The following CFAP47 variants were observed in gnomAD, a reference collection of about 807,000 sequenced individuals.
CFAP47 encodes cilia and flagella associated protein 47, also known as cilia- and flagella-associated protein 47.
In CFAP47, 29 loss-of-function variants were observed where a neutral mutation model predicts 148.1. The observed-to-expected ratio is 0.20, with a 90% CI of 0.15 to 0.27. The LOEUF is 0.27. Ranked by LOEUF, CFAP47 falls within the 10% of genes least tolerant of loss-of-function variation. The pLI is 1.00. For missense variants in CFAP47, 1,872 were observed against 1,697.5 expected (o/e 1.10, Z -1.81); for synonymous variants, 664 against 577.3 (o/e 1.15, Z -2.15).
In CFAP47 at chrX:35,920,075, G is replaced by C. The variant is rs756486257; in HGVS notation, c.249+27G>C. 34 of 1,144,858 alleles carry C rather than the reference G, an allele frequency of 3.0e-5. No homozygotes were observed. In the Admixed American group the frequency reaches 4.0e-4, roughly 13 times the overall value. 94.3% of individuals were successfully genotyped at this position (1,144,858 alleles called of 1,213,427 possible). A position where few individuals can be genotyped will look rare whatever the true frequency, so the allele number is the denominator to read the frequency against. Reference sequence around the variant, plus strand: ...TGACACACTAAGGGGTGCTGGGAGCGGGACCTTGTGAGAGCGCCTCCTCAC... The same window carrying C: ...TGACACACTAAGGGGTGCTGGGAGCCGGACCTTGTGAGAGCGCCTCCTCAC... On this transcript the variant is annotated intron_variant, in intron 1 of 63. Coordinates refer to ENST00000378653, the MANE Select transcript of CFAP47 (RefSeq NM_001304548.2).
chrX:35,967,877 G>A (rs746388887), intron 10 of CFAP47, 45 bp downstream of exon 10: 6 of 817,882 alleles, frequency 7.3e-6, no homozygotes, highest in South Asian at 5.0e-5. Flanking sequence ...AAGCTTAATG[G>A]ACAACACGAC....
chrX:36,083,101 C>G (rs938524348), intron 29 of CFAP47, among the ~76,000 whole-genome samples: 1 of 110,844 alleles, frequency 9.0e-6, no homozygotes. Context: ...TAAAACTCAT[C>G]ATTTTCAAGA....
At chrX:36,004,621 C>CA (rs1936959678) in intron 21 of CFAP47, among the ~76,000 whole-genome samples, 1 of 109,114 alleles carries the variant, frequency 9.2e-6, no homozygotes, top group African/African-American at 3.3e-5. Flanking sequence ...GAATAAACCA[C>CA]AAAAATGTTA....
At chrX:35,982,170 A>C (rs1936654481) in intron 15 of CFAP47, among the ~76,000 whole-genome samples, 1 of 111,873 alleles carries the variant, frequency 8.9e-6, no homozygotes. Flanking sequence ...TAACCTCAAC[A>C]GCATTGGTTA....
chrX:36,264,956 T>G (rs1478135764), intron 49 of CFAP47, among the ~76,000 whole-genome samples: 1 of 112,284 alleles, frequency 8.9e-6, no homozygotes, highest in African/African-American at 3.2e-5. Context: ...AAAATGTTGT[T>G]GAGAGTTTCA....
chrX:36,039,336 A>T (rs1937375581), intron 25 of CFAP47, among the ~76,000 whole-genome samples, 157 bp downstream of exon 25: 1 of 112,266 alleles, frequency 8.9e-6, no homozygotes, highest in Non-Finnish European at 1.9e-5. Flanking sequence ...AAAACCAAAA[A>T]ATCTTTCTTA....
In CFAP47 at chrX:36,231,715, T is replaced by A. The variant is rs1208886401; in HGVS notation, c.7014+2891T>A. Among the ~76,000 whole-genome samples, 4 of 111,204 alleles carry A rather than the reference T, an allele frequency of 3.6e-5. No homozygotes were observed. In the Admixed American group the frequency reaches 3.8e-4, roughly 11 times the overall value. On this transcript the variant is annotated intron_variant, in intron 46 of 63. Transcript: ENST00000378653. The stretch of plus-strand genomic sequence containing the variant: ...CAGTTTTCAAAGGGAATGCTTCCAG[T>A]TTTTGCCCATTCAGTATGATATTGG...
At chrX:36,018,668 A>G (rs1181779640) in intron 22 of CFAP47, among the ~76,000 whole-genome samples, 1 of 112,153 alleles carries the variant, frequency 8.9e-6, no homozygotes, top group African/African-American at 3.2e-5. Flanking sequence ...ATATTATTCC[A>G]TTCTTGCATC....
chrX:36,077,180 C>T (rs982091546), intron 29 of CFAP47, among the ~76,000 whole-genome samples: 9 of 65,028 alleles, frequency 1.4e-4, no homozygotes, highest in Non-Finnish European at 1.4e-4. Flanking sequence ...ACAGCGCCTC[C>T]AGCTTTTTTT....
chrX:36,212,884 G>T (rs1305871251), intron 45 of CFAP47, among the ~76,000 whole-genome samples: 2 of 110,929 alleles, frequency 1.8e-5, no homozygotes, highest in South Asian at 7.6e-4. Context: ...AGGCCAAGGT[G>T]GGTAGATTGC....
intron 47 of CFAP47, among the ~76,000 whole-genome samples, chrX:36,236,327 C>A (rs1940465464): frequency 8.9e-6 from 1 of 111,928 alleles, no homozygotes; most frequent in Admixed American, 9.5e-5. Flanking sequence ...ACATGCTGAA[C>A]AAAGTAAGAT....
intron 15 of CFAP47, among the ~76,000 whole-genome samples, chrX:35,979,306 G>A (rs1045770313): frequency 2.7e-5 from 3 of 110,550 alleles, no homozygotes; most frequent in African/African-American, 9.9e-5. Flanking sequence ...TTCTAAGACA[G>A]AATTCAATTC....
intron 10 of CFAP47, among the ~76,000 whole-genome samples, chrX:35,968,682 A>C (rs1231897782): frequency 9.0e-6 from 1 of 110,593 alleles, no homozygotes; most frequent in Non-Finnish European, 1.9e-5. Context: ...TAATTGTTTT[A>C]TTGTCTATGA....
rs1387231079 is a variant in CFAP47, at chrX:36,300,954, TTG to T, written c.7863-116_7863-115del. 2.2e-3 allele frequency: 949 copies of T among 437,640 alleles called. 1 individual carries two copies. In the African/African-American group the frequency reaches 0.022, roughly 10 times the overall value. 36.1% of individuals were successfully genotyped at this position (437,640 alleles called of 1,213,427 possible). On this transcript the variant is annotated intron_variant, in intron 52 of 63. Transcript: ENST00000378653. ...AAGAGTAGTATGTGTTACAGAGTAGTTGTCAAATGTTGTATTTAAAACCAACT... is the reference window on the plus strand; with the variant it reads ...AAGAGTAGTATGTGTTACAGAGTAGTTCAAATGTTGTATTTAAAACCAACT...
rs188257871 is a variant in CFAP47, at chrX:36,278,095, T to C, written c.7445-2392T>C. 3.1e-4 allele frequency among the ~76,000 whole-genome samples: 35 copies of C among 112,233 alleles called. No homozygotes were observed. In the Admixed American group the frequency reaches 3.2e-3, roughly 10 times the overall value. ...GTCTGTTCTCAGAGCTCAAACACCGTGCTGGGAGAACCACTGCTCTCTTCA... is the reference window on the plus strand; with the variant it reads ...GTCTGTTCTCAGAGCTCAAACACCGCGCTGGGAGAACCACTGCTCTCTTCA... On this transcript the variant is annotated intron_variant, in intron 49 of 63. Transcript: ENST00000378653.
chrX:36,184,704 C>T (rs1476469059), intron 40 of CFAP47, among the ~76,000 whole-genome samples: 4 of 111,569 alleles, frequency 3.6e-5, no homozygotes, highest in South Asian at 3.7e-4. Context: ...GAGGCTGGGG[C>T]GGGAGGATCA....
chrX:35,954,286 G>A (rs906899182), intron 7 of CFAP47, among the ~76,000 whole-genome samples: 2 of 110,821 alleles, frequency 1.8e-5, no homozygotes, highest in African/African-American at 6.6e-5. Flanking sequence ...GGGACTTGGA[G>A]TTCAGCTTAG....
chrX:36,354,221 C>T (rs1168397349), intron 60 of CFAP47, among the ~76,000 whole-genome samples: 1 of 110,974 alleles, frequency 9.0e-6, no homozygotes, highest in African/African-American at 3.3e-5. Flanking sequence ...GTGGCTCACG[C>T]CTGTAATCCC....
chrX:35,948,450 A>G lies in CFAP47; in HGVS notation c.654A>G (p.Ala218=). 1 of 1,194,404 alleles carries G rather than the reference A, an allele frequency of 8.4e-7. No individual in the cohort carries two copies. The highest frequency in any genetic ancestry group is 1.1e-6 in the Non-Finnish European group (1 of 881,345). ...AGCCAAGAATTGTAGATGAAGAGGC[A>G]ATGTGAGTATATACTGTGGTTCTAA... ...ADQPRIVDEE[A]IVILQGQPEM... is the part of the protein sequence containing the mutation. Residue 218 remains alanine (A), a splice_region_variant and synonymous_variant, in exon 4 of 64, where the codon GCA becomes GCG. Transcript: ENST00000378653.
Sources: gnomAD v4.1 joint callset for allele counts (sites outside exome capture counted in the v4.1 genomes callset) on GRCh38, gnomAD v4.1.1 for gene constraint, MANE v1.5 for transcripts, NCBI Gene and HGNC (gene_info 2026-07-23, HGNC 2026-07-21) for gene names.